PCDHA5: variants seen among roughly 807,000 people sequenced by gnomAD.
PCDHA5 encodes the protein protocadherin alpha 5.
Under a neutral mutation model 61.6 loss-of-function variants are expected in PCDHA5, and 43 were observed. The ratio of observed to expected loss-of-function variants is 0.70; its 90% CI spans 0.55 to 0.90. PCDHA5 has a LOEUF of 0.90. Among genes scored for constraint, PCDHA5 ranks in the 40% least tolerant of loss-of-function variants. PCDHA5 has a pLI of 0.00. For synonymous variants in PCDHA5, 627 were observed against 543.9 expected (o/e 1.15, Z -2.13); for missense variants, 1,298 against 1,222.7 (o/e 1.06, Z -0.92).
chr5:140,913,447 C>T (rs1445715185), intron 1 of PCDHA5, among the ~76,000 whole-genome samples: 5 of 152,022 alleles, frequency 3.3e-5, no homozygotes, highest in African/African-American at 9.7e-5. Context: ...TTTTCAGCTC[C>T]GATTTTATTT....
Position 140,821,828 on chromosome 5 carries a change from T to A in PCDHA5, c.53T>A (p.Leu18His). 1 of 1,614,176 alleles carries A rather than the reference T, an allele frequency of 6.2e-7. No homozygotes were observed. Among genetic ancestry groups the A allele is most frequent in the African/African-American group, 1.3e-5 (1 of 75,072 alleles). Residue 18 changes from leucine to histidine, a missense_variant, in exon 1 of 4, where the codon CTT (leucine) becomes CAT (histidine). Coordinates refer to ENST00000529859, the MANE Select transcript of PCDHA5 (RefSeq NM_018908.3). The stretch of plus-strand genomic sequence containing the variant: ...GGATCCCGGCTCCTGCTGCTCTGGC[T>A]TCTCCTTGCCTACTGGAAGGCAGGG... ...SLGSRLLLLWLLLAYWKAGSG... is the reference protein window; with the variant it reads ...SLGSRLLLLWHLLAYWKAGSG...
Position 140,848,783 on chromosome 5 carries a change from C to A in PCDHA5, c.2352+24656C>A, listed in dbSNP as rs2150420389. 1.5e-5 allele frequency: 24 copies of A among 1,593,092 alleles called. 2 individuals carry two copies. The highest frequency in any genetic ancestry group is 2.2e-5 in the East Asian group (1 of 44,812). On this transcript the variant is annotated intron_variant, in intron 1 of 3. Transcript: ENST00000529859. ...CTCGGATCGACCGCGAGGAGCTGTG[C>A]GGGCGGAGCGCGGAGTGCAGCATCC... is the stretch of plus-strand genomic sequence containing the variant.
chr5:140,826,838 C>CA (rs1486763325), intron 1 of PCDHA5, among the ~76,000 whole-genome samples: 1 of 152,062 alleles, frequency 6.6e-6, no homozygotes, highest in Non-Finnish European at 1.5e-5. Flanking sequence ...AGAAGTTTCT[C>CA]AAGTGTCTTG....
chr5:140,828,926 T>C (rs2150160859), intron 1 of PCDHA5: 9 of 1,614,260 alleles, frequency 5.6e-6, no homozygotes, highest in African/African-American at 5.3e-5. Context: ...GGCAATTTCA[T>C]ATTCTTTTAA....
chr5:141,007,174 G>T (rs926344346), intron 3 of PCDHA5, among the ~76,000 whole-genome samples: 9 of 152,118 alleles, frequency 5.9e-5, no homozygotes, highest in African/African-American at 2.2e-4. Context: ...AGAGAGAAAG[G>T]TCAGGAGAAT....
At chr5:140,918,051 A>C (rs782531005) in intron 1 of PCDHA5, among the ~76,000 whole-genome samples, 4 of 151,984 alleles carry the variant, frequency 2.6e-5, no homozygotes, top group Admixed American at 2.0e-4. Flanking sequence ...CATTTGTTTT[A>C]TCATCTCTGA....
chr5:140,872,785 C>T (rs781982200), intron 1 of PCDHA5, among the ~76,000 whole-genome samples: 12 of 152,072 alleles, frequency 7.9e-5, no homozygotes, highest in Non-Finnish European at 1.3e-4. Context: ...ATAATATATG[C>T]TAGTTGGCAT....
At chr5:140,863,211 C>G in intron 1 of PCDHA5, 5 of 1,030,298 alleles carry the variant, frequency 4.9e-6, no homozygotes, top group Non-Finnish European at 7.2e-6. Context: ...CGGAGAGCAG[C>G]CAAGCGAGGA....
At chr5:140,862,288 G>A in intron 1 of PCDHA5, 1 of 264,980 alleles carries the variant, frequency 3.8e-6, no homozygotes, top group East Asian at 9.0e-5. Context: ...CTGTACAGGA[G>A]GACGCTCCAC....
At chr5:140,879,084 G>T (rs927310887) in intron 1 of PCDHA5, among the ~76,000 whole-genome samples, 1 of 152,174 alleles carries the variant, frequency 6.6e-6, no homozygotes, top group Non-Finnish European at 1.5e-5. Flanking sequence ...AGATAAGTAG[G>T]AACAACTGCA....
intron 1 of PCDHA5, 114 bp downstream of exon 1, chr5:140,824,241 G>A (rs2150133437): frequency 6.0e-6 from 9 of 1,494,128 alleles, no homozygotes; most frequent in Non-Finnish European, 4.6e-6. Flanking sequence ...CAAATATTGT[G>A]GTACACAATT....
At chr5:140,861,372 A>C (rs2046882996) in intron 1 of PCDHA5, 3 of 407,054 alleles carry the variant, frequency 7.4e-6, no homozygotes, top group Non-Finnish European at 1.5e-5. Flanking sequence ...CGCGGTCCCT[A>C]TTGCGCAGGA....
intron 1 of PCDHA5, among the ~76,000 whole-genome samples, chr5:140,879,977 C>T (rs1285167233): frequency 6.6e-6 from 1 of 152,174 alleles, no homozygotes; most frequent in African/African-American, 2.4e-5. Flanking sequence ...AAACTCCTTT[C>T]AAGATCCTTA....
At chr5:140,862,382 G>A (rs1213049114) in intron 1 of PCDHA5, 1 of 345,048 alleles carries the variant, frequency 2.9e-6, no homozygotes, top group East Asian at 7.5e-5. Context: ...GACTCCTCAC[G>A]TCTCTTCAAG....
chr5:140,877,815 A>T (rs782076422), intron 1 of PCDHA5: 21 of 1,609,380 alleles, frequency 1.3e-5, no homozygotes, highest in Non-Finnish European at 1.7e-5. Context: ...TGTCTCGAGA[A>T]GATTGTTTAA....
chr5:140,836,434 T>G (rs2150261046), intron 1 of PCDHA5: 2 of 1,613,832 alleles, frequency 1.2e-6, no homozygotes, highest in Admixed American at 1.7e-5. Flanking sequence ...CGGGCATCGT[T>G]GGGCATTGCA....
intron 1 of PCDHA5, among the ~76,000 whole-genome samples, chr5:140,970,781 G>A (rs2096433448): frequency 6.6e-6 from 1 of 152,042 alleles, no homozygotes; most frequent in Admixed American, 6.6e-5. Context: ...CATACATATT[G>A]TATGTAATAT....
At chr5:140,869,463 C>T (rs1554163094) in intron 1 of PCDHA5, 1 of 1,614,148 alleles carries the variant, frequency 6.2e-7, no homozygotes, top group South Asian at 1.1e-5. Context: ...TCCATGTGAA[C>T]GTGGAGGTGA....
intron 1 of PCDHA5, chr5:140,883,461 T>C: frequency 2.5e-6 from 4 of 1,614,144 alleles, no homozygotes; most frequent in Non-Finnish European, 3.4e-6. Context: ...TTCAAGCTGG[T>C]GTCCACCTAC....
Sources: gnomAD v4.1 joint callset for allele counts (sites outside exome capture counted in the v4.1 genomes callset) on GRCh38, gnomAD v4.1.1 for gene constraint, MANE v1.5 for transcripts, NCBI Gene and HGNC (gene_info 2026-07-23, HGNC 2026-07-21) for gene names.